The following TANC2 variants were observed in gnomAD, a reference collection of about 807,000 sequenced individuals.
TANC2 encodes the protein tetratricopeptide repeat, ankyrin repeat and coiled-coil containing 2, also known as protein TANC2.
In TANC2, 26 loss-of-function variants were observed where a neutral mutation model predicts 210.5. The ratio of observed to expected loss-of-function variants is 0.12; its 90% CI spans 0.09 to 0.17. The LOEUF (loss-of-function observed/expected upper bound fraction) is 0.17, where lower values mean the gene tolerates loss of function less well. Among genes scored for constraint, TANC2 ranks in the 10% least tolerant of loss-of-function variants. The pLI is 1.00. For synonymous variants in TANC2, 931 were observed against 967.1 expected, an observed-to-expected ratio of 0.96 and a Z score of 0.69; for missense variants, 2,129 against 2,608.9, an observed-to-expected ratio of 0.82 and a Z score of 4.01.
intron 4 of TANC2, among the ~76,000 whole-genome samples, chr17:63,116,832 A>G (rs2038269595): frequency 6.6e-6 from 1 of 152,214 alleles, no homozygotes; most frequent in East Asian, 1.9e-4. Context: ...TATAATTTTA[A>G]CACTTAATAA....
chr17:63,348,797 A>G (rs2046499115), intron 12 of TANC2, among the ~76,000 whole-genome samples: 1 of 152,184 alleles, frequency 6.6e-6, no homozygotes, highest in African/African-American at 2.4e-5. Context: ...AGAAATTTGA[A>G]TGAGTGAACA....
chr17:63,017,877 C>A (rs2034176391), intron 2 of TANC2, among the ~76,000 whole-genome samples: 1 of 152,154 alleles, frequency 6.6e-6, no homozygotes, highest in African/African-American at 2.4e-5. Flanking sequence ...CGCGGTGACT[C>A]ACTCCTGTAA....
At chr17:63,221,032 C>T (rs1489112860) in intron 7 of TANC2, among the ~76,000 whole-genome samples, 1 of 151,792 alleles carries the variant, frequency 6.6e-6, no homozygotes, top group Non-Finnish European at 1.5e-5. Context: ...GCCTAAGTAA[C>T]CTTGTGTTAG....
chr17:63,294,836 T>G (rs1254082076), intron 9 of TANC2, among the ~76,000 whole-genome samples: 1 of 152,242 alleles, frequency 6.6e-6, no homozygotes, highest in Non-Finnish European at 1.5e-5. Context: ...GTGCTGCGGA[T>G]AAGAAAGTCA....
At chr17:63,182,219 C>A in intron 5 of TANC2, 1 of 168,990 alleles carries the variant, frequency 5.9e-6, no homozygotes, top group Non-Finnish European at 1.3e-5. Context: ...ACCTGGCTCC[C>A]CCCGCTCCAA....
intron 13 of TANC2, among the ~76,000 whole-genome samples, chr17:63,354,130 A>T (rs1431279891): frequency 1.3e-5 from 2 of 152,114 alleles, no homozygotes; most frequent in African/African-American, 4.8e-5. Flanking sequence ...GTCCGTGGGT[A>T]GGTAAGAAAG....
At chr17:63,176,719 T>C (rs2040593952) in intron 5 of TANC2, among the ~76,000 whole-genome samples, 2 of 144,108 alleles carry the variant, frequency 1.4e-5, no homozygotes, top group East Asian at 4.2e-4. Flanking sequence ...GGCAGGAGAA[T>C]GGCCTGAACC....
At chr17:63,204,024 T>G (rs528780955) in intron 7 of TANC2, among the ~76,000 whole-genome samples, 12 of 152,020 alleles carry the variant, frequency 7.9e-5, no homozygotes, top group Non-Finnish European at 1.8e-4. Context: ...TTAGAAGTTG[T>G]GGCAAATGTT....
chr17:63,292,813 A>G (rs1325804892), intron 9 of TANC2, among the ~76,000 whole-genome samples: 1 of 152,210 alleles, frequency 6.6e-6, no homozygotes, highest in East Asian at 1.9e-4. Context: ...GTATTAACTC[A>G]TTTTATCTCC....
In TANC2 at chr17:63,107,528, T is replaced by C. The variant is rs183504390; in HGVS notation, c.322+8171T>C. 5.3e-5 allele frequency among the ~76,000 whole-genome samples: 8 copies of C among 151,886 alleles called. No homozygotes were observed. The East Asian group carries it at 1.5e-3, about 29-fold the overall frequency. ...AAACATATGTTCACACCAAAACTTG[T>C]ACATGTATGTTCATAGCAGCATTAT... On this transcript the variant is annotated intron_variant, in intron 4 of 27. Coordinates refer to ENST00000689528, the Ensembl canonical transcript of TANC2.
chr17:63,011,159 G>A (rs2143847037), intron 2 of TANC2, among the ~76,000 whole-genome samples: 1 of 152,140 alleles, frequency 6.6e-6, no homozygotes, highest in South Asian at 2.1e-4. Context: ...TCACTCTGAA[G>A]ACTCAGAAGT....
chr17:63,181,738 A>G (rs929186484), intron 5 of TANC2, among the ~76,000 whole-genome samples: 1 of 152,168 alleles, frequency 6.6e-6, no homozygotes, highest in Non-Finnish European at 1.5e-5. Flanking sequence ...CCCCCTCTCC[A>G]AGTGGATTCA....
At chr17:63,206,916 ATATT>A (rs1598606966) in intron 7 of TANC2, among the ~76,000 whole-genome samples, 1 of 152,302 alleles carries the variant, frequency 6.6e-6, no homozygotes, top group African/African-American at 2.4e-5. Context: ...TTTTAAAAGA[ATATT>A]TATTAATATG....
chr17:63,220,940 C>G (rs1328945938), intron 7 of TANC2, among the ~76,000 whole-genome samples: 2 of 151,378 alleles, frequency 1.3e-5, no homozygotes, highest in East Asian at 3.9e-4. Context: ...ACCCCACATA[C>G]AAAAATTCAA....
intron 4 of TANC2, among the ~76,000 whole-genome samples, chr17:63,136,101 A>G (rs957198826): frequency 6.6e-6 from 1 of 152,184 alleles, no homozygotes; most frequent in Non-Finnish European, 1.5e-5. Flanking sequence ...CTATTTCCTT[A>G]TAAGATAAAG....
intron 3 of TANC2, among the ~76,000 whole-genome samples, chr17:63,087,413 T>C (rs2037013115): frequency 6.6e-6 from 1 of 152,140 alleles, no homozygotes; most frequent in South Asian, 2.1e-4. Flanking sequence ...TGCTTCTCTG[T>C]TTTTTTCTTT....
chr17:63,414,420 C>T (rs1428847959), intron 25 of TANC2: 1 of 152,202 alleles, frequency 6.6e-6, no homozygotes, highest in Non-Finnish European at 1.5e-5. Context: ...TTGAATGAGT[C>T]ACGGTAATCT....
At chr17:63,380,636 T>C (rs778961756) in intron 15 of TANC2, among the ~76,000 whole-genome samples, 26 of 152,216 alleles carry the variant, frequency 1.7e-4, no homozygotes, top group Non-Finnish European at 3.5e-4. Flanking sequence ...TCAGAATTCT[T>C]TTCCTGCCTC....
At chr17:62,967,066 A>G (rs2031387046) in intron 1 of TANC2, 2 of 152,310 alleles carry the variant, frequency 1.3e-5, no homozygotes, top group Non-Finnish European at 2.9e-5. Context: ...AATGTGGTGC[A>G]GAACGAGTTG....
Sources: gnomAD v4.1 joint callset for allele counts (sites outside exome capture counted in the v4.1 genomes callset) on GRCh38, gnomAD v4.1.1 for gene constraint, MANE v1.5 for transcripts, NCBI Gene and HGNC (gene_info 2026-07-23, HGNC 2026-07-21) for gene names.